The following PLOD2 variants were observed in gnomAD, a reference collection of about 807,000 sequenced individuals.
PLOD2 encodes procollagen-lysine,2-oxoglutarate 5-dioxygenase 2, also known as lysine hydroxylase 2.
A neutral mutation model predicts 101.0 loss-of-function variants in PLOD2; 65 were observed. The ratio of observed to expected loss-of-function variants is 0.64; its 90% confidence interval spans 0.53 to 0.79. The LOEUF (loss-of-function observed/expected upper bound fraction) is 0.79. PLOD2 is among the 30% of genes least tolerant of loss of function. The probability of loss-of-function intolerance (pLI) is 0.00; values close to 1 mark genes in which losing one functional copy is unlikely to be tolerated. For synonymous variants in PLOD2, 314 were observed against 302.9 expected (o/e 1.04, Z -0.38); for missense variants, 909 against 914.6 (o/e 0.99, Z 0.08).
At chr3:146,123,257 G>T (rs558654030) in intron 2 of PLOD2, 6 of 1,090,770 alleles carry the variant, frequency 5.5e-6, no homozygotes, top group African/African-American at 3.4e-5. Flanking sequence ...TGCTTTTTGT[G>T]TTCCTACCTA....
chr3:146,121,185 T>C lies in PLOD2; in HGVS notation c.265A>G (p.Lys89Glu). The change falls in exon 3 of 20, where the codon AAA becomes GAA. Residue 89 changes from lysine to glutamate, a missense_variant. By Grantham distance (56) the Lys-to-Glu change is moderately conservative. Transcript: ENST00000282903. ...DGINSIGGGQKVRLMKEVMEH... is the reference protein window; with the variant it reads ...DGINSIGGGQEVRLMKEVMEH... ...ATGACTTCTTTCATTAATCTCACTTTCTGGCCCCCTCCAATACTATTAATT... is the reference window on the plus strand; with the variant it reads ...ATGACTTCTTTCATTAATCTCACTTCCTGGCCCCCTCCAATACTATTAATT... 1 of 1,607,342 alleles carries C rather than the reference T, an allele frequency of 6.2e-7. No homozygotes were observed. Among genetic ancestry groups the C allele is most frequent in the Non-Finnish European group, 8.5e-7 (1 of 1,173,984 alleles).
At position 146,107,891 on chromosome 3, in the gene PLOD2, G is replaced by A. The variant is rs1015227027; in HGVS notation, c.503-1247C>T. On this transcript the variant is annotated intron_variant, in intron 4 of 19. Coordinates refer to ENST00000282903, the MANE Select transcript of PLOD2 (RefSeq NM_182943.3). ...ACTCCTGACCTCAGGTGATCTGCCC[G>A]CCTCAGCCTCCCAAAGTGCTGAGAT... 4.6e-5 allele frequency among the ~76,000 whole-genome samples: 7 copies of A among 151,852 alleles called. No individual in the cohort carries two copies. The South Asian group carries it at 1.0e-3, about 23-fold the overall frequency.
In PLOD2 at chr3:146,072,259, C is replaced by T. The variant is rs3804670; in HGVS notation, c.1848+302G>A. Among the ~76,000 whole-genome samples the T allele has an allele frequency of 0.52, 78,231 of 151,450 alleles. 20,309 individuals are homozygous for T. Among genetic ancestry groups the T allele is most frequent in the East Asian group, 0.57 (2,911 of 5,132 alleles). ...AAAAAGTGGCCTTGGAAAAGAGTGA[C>T]ATCACTCTGTAAAGACATGTGTTAC... On this transcript the variant is annotated intron_variant, in intron 17 of 19. Coordinates refer to ENST00000282903, the MANE Select transcript of PLOD2 (RefSeq NM_182943.3).
intron 3 of PLOD2, among the ~76,000 whole-genome samples, chr3:146,114,361 C>G (rs1178601345): frequency 1.3e-5 from 2 of 152,074 alleles, no homozygotes; most frequent in Non-Finnish European, 2.9e-5. Flanking sequence ...AAGTACGTCT[C>G]AGGTATTTCT....
intron 10 of PLOD2, chr3:146,085,898 T>C (rs1187516075): frequency 6.6e-6 from 1 of 152,436 alleles, no homozygotes; most frequent in Non-Finnish European, 1.5e-5. Context: ...TTTTTGCTGT[T>C]GTCAGTGTGT....
intron 1 of PLOD2, among the ~76,000 whole-genome samples, chr3:146,129,264 G>A (rs764426000): frequency 2.0e-5 from 3 of 152,004 alleles, no homozygotes; most frequent in Non-Finnish European, 2.9e-5. Context: ...AGGCCTTATG[G>A]GCCACATACA....
intron 7 of PLOD2, among the ~76,000 whole-genome samples, chr3:146,097,259 G>A (rs1409596617): frequency 1.3e-5 from 2 of 150,710 alleles, no homozygotes; most frequent in East Asian, 2.0e-4. Flanking sequence ...TGGGAAGTGA[G>A]GAGCCCCTCT....
intron 7 of PLOD2, among the ~76,000 whole-genome samples, chr3:146,096,721 C>T (rs1267244788): frequency 2.0e-5 from 3 of 148,068 alleles, no homozygotes; most frequent in Admixed American, 6.6e-5. Context: ...GGAGCGTCTC[C>T]GCCCGGAAGC....
At chr3:146,106,434 TATC>T in intron 5 of PLOD2, 95 bp downstream of exon 5, 1 of 752,000 alleles carries the variant, frequency 1.3e-6, no homozygotes, top group South Asian at 1.4e-5. Flanking sequence ...TTTGCCATAC[TATC>T]ATAAAACCTT....
chr3:146,086,788 T>G lies in PLOD2; in HGVS notation c.1126A>C (p.Met376Leu), dbSNP rs140613062. 1.9e-4 allele frequency: 279 copies of G among 1,454,942 alleles called. No homozygotes were observed. The African/African-American group carries it at 3.8e-3, about 20-fold the overall frequency. 90.1% of individuals were successfully genotyped at this position (1,454,942 alleles called of 1,614,324 possible). The change falls in exon 10 of 20, where the codon ATG becomes CTG. Residue 376 changes from methionine to leucine, a missense_variant and splice_region_variant. Met to Leu is a conservative substitution (Grantham distance 15, BLOSUM62 2). Coordinates refer to ENST00000282903, the MANE Select transcript of PLOD2 (RefSeq NM_182943.3). ...LSQAEARNMGMDFCRQDEKCD... is the reference protein window; with the variant it reads ...LSQAEARNMGLDFCRQDEKCD... Reference sequence around the variant, plus strand: ...TAATTTTAATTTATTAAAACATACATTCCCATGTTTCTGGCTTCCGCTTGA... The same window carrying G: ...TAATTTTAATTTATTAAAACATACAGTCCCATGTTTCTGGCTTCCGCTTGA...
At position 146,106,507 on chromosome 3, in the gene PLOD2, C is replaced by CA. The variant is rs766223725; in HGVS notation, c.615+24dup. The CA allele has an allele frequency of 2.1e-5, 23 of 1,084,914 alleles. No individual in the cohort carries two copies. The Admixed American group carries it at 3.2e-4, about 15-fold the overall frequency. 67.2% of individuals were successfully genotyped at this position (1,084,914 alleles called of 1,614,324 possible). On this transcript the variant is annotated intron_variant, in intron 5 of 19. Coordinates refer to ENST00000282903, the MANE Select transcript of PLOD2 (RefSeq NM_182943.3). ...ACACAAAACAACCAAATCAATAAAA[C>CA]AAAAAAATTGCAGCTGTTACACACC...
intron 1 of PLOD2, among the ~76,000 whole-genome samples, chr3:146,157,510 T>C (rs1158754286): frequency 1.3e-5 from 2 of 152,138 alleles, no homozygotes; most frequent in African/African-American, 4.8e-5. Context: ...CATGCACATA[T>C]CTAGGATTAC....
rs1296852129 is a variant in PLOD2 at position 146,076,880 on chromosome 3, T to C, written c.1579A>G (p.Ile527Val). 1 of 1,549,150 alleles carries C rather than the reference T, an allele frequency of 6.5e-7. No individual in the cohort carries two copies. The highest frequency in any genetic ancestry group is 8.9e-7 in the Non-Finnish European group (1 of 1,122,130). ...LSPPKGVFMY[I>V]SNRHEFGRLL... ...CTTCCAAATTCATGTCTATTAGAAA[T>C]GTACATAAATACACCCTATATGCCA... Residue 527 changes from isoleucine to valine, a missense_variant, in exon 15 of 20, where the codon ATT becomes GTT. Ile to Val is a conservative substitution (Grantham distance 29, BLOSUM62 3). Transcript: ENST00000282903.
chr3:146,115,506 C>T (rs1181538585), intron 3 of PLOD2, among the ~76,000 whole-genome samples: 1 of 152,110 alleles, frequency 6.6e-6, no homozygotes, highest in Non-Finnish European at 1.5e-5. Context: ...CCTCTCTTTC[C>T]ATGGCCTATC....
Position 146,124,399 on chromosome 3 carries a change from T to C in PLOD2, c.110-170A>G, listed in dbSNP as rs3762690. 0.089 allele frequency among the ~76,000 whole-genome samples: 13,528 copies of C among 152,108 alleles called. 781 individuals are homozygous for C. The highest frequency in any genetic ancestry group is 0.15 in the South Asian group (745 of 4,816). ...CGAAAAAATAGATGACTCAAATTGG[T>C]TGTATTACTGCCAAATGATGAACCT... is the stretch of plus-strand genomic sequence containing the variant. On this transcript the variant is annotated intron_variant, in intron 1 of 19. Transcript: ENST00000282903.
At chr3:146,116,777 TATC>T (rs1937934765) in intron 3 of PLOD2, among the ~76,000 whole-genome samples, 1 of 152,150 alleles carries the variant, frequency 6.6e-6, no homozygotes, top group African/African-American at 2.4e-5. Flanking sequence ...CATATATGGA[TATC>T]TTCAGTTTTC....
intron 1 of PLOD2, among the ~76,000 whole-genome samples, chr3:146,135,660 A>G (rs1417892320): frequency 6.6e-6 from 1 of 152,208 alleles, no homozygotes; most frequent in Non-Finnish European, 1.5e-5. Flanking sequence ...GAAAATATCA[A>G]TAAAACTGGT....
chr3:146,114,424 G>A (rs1007644792), intron 3 of PLOD2, among the ~76,000 whole-genome samples: 26 of 151,958 alleles, frequency 1.7e-4, no homozygotes, highest in African/African-American at 4.6e-4. Flanking sequence ...AATTATCCTC[G>A]AAGAGATGAC....
chr3:146,115,051 G>C (rs1215999884), intron 3 of PLOD2, among the ~76,000 whole-genome samples: 2 of 152,110 alleles, frequency 1.3e-5, no homozygotes, highest in Admixed American at 6.6e-5. Context: ...GCGGCTTGGG[G>C]GGCAGCACGG....
Sources: gnomAD v4.1 joint callset for allele counts (sites outside exome capture counted in the v4.1 genomes callset) on GRCh38, gnomAD v4.1.1 for gene constraint, MANE v1.5 for transcripts, NCBI Gene and HGNC (gene_info 2026-07-23, HGNC 2026-07-21) for gene names.